Variants in FAM117B observed in about 807,000 individuals in gnomAD.
The protein encoded by FAM117B is family with sequence similarity 117 member B.
Under a neutral mutation model 52.8 loss-of-function variants are expected in FAM117B, and 22 were observed. That is an observed-to-expected ratio of 0.42 (90% CI 0.30 to 0.59). The LOEUF (loss-of-function observed/expected upper bound fraction) is 0.59. Among genes scored for constraint, FAM117B ranks in the 20% least tolerant of loss-of-function variants. The pLI, the probability that FAM117B is intolerant of heterozygous loss-of-function variation, is 0.22. For missense variants in FAM117B, 678 were observed against 802.6 expected (o/e 0.84, Z 1.88); for synonymous variants, 309 against 324.1 (o/e 0.95, Z 0.50).
intron 4 of FAM117B, among the ~76,000 whole-genome samples, chr2:202,728,049 GA>G (rs148825230): frequency 0.11 from 16,149 of 152,144 alleles, 2,862 homozygotes; most frequent in African/African-American, 0.37. Flanking sequence ...GGTGATCACA[GA>G]TTCACTATAG....
rs747502285 is a variant in FAM117B, at chr2:202,757,254, T to C, written c.1146T>C (p.Leu382=). The C allele has an allele frequency of 3.1e-6, 5 of 1,613,970 alleles. No homozygotes were observed. Among genetic ancestry groups the C allele is most frequent in the African/African-American group, 1.3e-5 (1 of 74,896 alleles). Residue 382 remains leucine, a synonymous_variant, in exon 6 of 8, where the codon CTT becomes CTC. Coordinates refer to ENST00000392238, the MANE Select transcript of FAM117B (RefSeq NM_173511.4). ...ATGGCCATCGTGCTCCACCCCCCCTTGTACAGAGAAGTAGCAGCACGCGCA... is the reference window on the plus strand; with the variant it reads ...ATGGCCATCGTGCTCCACCCCCCCTCGTACAGAGAAGTAGCAGCACGCGCA... ...IPDGHRAPPP[L]VQRSSSTRSI...
chr2:202,756,888 C>G (rs1296804679), intron 5 of FAM117B, among the ~76,000 whole-genome samples: 1 of 152,084 alleles, frequency 6.6e-6, no homozygotes, highest in African/African-American at 2.4e-5. Flanking sequence ...TAGTGTTACA[C>G]CTAGATTTCA....
intron 4 of FAM117B, among the ~76,000 whole-genome samples, chr2:202,748,868 G>A (rs1691678777): frequency 6.6e-6 from 1 of 151,878 alleles, no homozygotes; most frequent in South Asian, 2.1e-4. Context: ...AGCCACTCTC[G>A]GTAGCCATTG....
At chr2:202,692,359 G>A (rs1690646454) in intron 1 of FAM117B, among the ~76,000 whole-genome samples, 1 of 152,082 alleles carries the variant, frequency 6.6e-6, no homozygotes, top group Non-Finnish European at 1.5e-5. Context: ...AAGACATAAA[G>A]ACATGCAGTA....
chr2:202,726,465 A>C, intron 4 of FAM117B, 102 bp downstream of exon 4: 1 of 789,920 alleles, frequency 1.3e-6, no homozygotes, highest in East Asian at 2.5e-5. Flanking sequence ...GCTCAAAAAC[A>C]TATTTGAAAC....
chr2:202,658,540 G>A (rs954726756), intron 1 of FAM117B, among the ~76,000 whole-genome samples: 14 of 152,066 alleles, frequency 9.2e-5, no homozygotes, highest in African/African-American at 3.4e-4. Context: ...GACCTCAAGT[G>A]ATCCACCCGT....
chr2:202,732,052 T>TA (rs1691360818), intron 4 of FAM117B, among the ~76,000 whole-genome samples: 1 of 151,320 alleles, frequency 6.6e-6, no homozygotes, highest in African/African-American at 2.4e-5. Context: ...TTTTCTTTTT[T>TA]TTTTTTTTTT....
intron 6 of FAM117B, among the ~76,000 whole-genome samples, chr2:202,757,691 G>A (rs758843650): frequency 2.4e-4 from 37 of 152,136 alleles, no homozygotes; most frequent in Admixed American, 1.2e-3. Context: ...TTCCTTATTG[G>A]TGAGAAACAT....
chr2:202,684,331 A>G lies in FAM117B; in HGVS notation c.602-11550A>G, dbSNP rs746619910. Among the ~76,000 whole-genome samples, 107 of 152,326 alleles carry G rather than the reference A, an allele frequency of 7.0e-4. 1 individual carries two copies. In the Middle Eastern group the frequency reaches 0.01, roughly 15 times the overall value. On this transcript the variant is annotated intron_variant, in intron 1 of 7. Coordinates refer to ENST00000392238, the MANE Select transcript of FAM117B (RefSeq NM_173511.4). ...TTATTCGCAGATTTTGTATTGGCAA[A>G]TTTGCCCACTAGCTAAAAGTTATTT... is the stretch of plus-strand genomic sequence containing the variant.
chr2:202,673,433 G>GTTTTTTTTTTTTTTTTTTTTT lies in FAM117B; in HGVS notation c.602-22436_602-22416dup, dbSNP rs1158185300. 6.7e-4 allele frequency among the ~76,000 whole-genome samples: 25 copies of GTTTTTTTTTTTTTTTTTTTTT among 37,536 alleles called. 7 individuals carry two copies. Among genetic ancestry groups the GTTTTTTTTTTTTTTTTTTTTT allele is most frequent in the African/African-American group, 2.6e-3 (17 of 6,448 alleles). 24.6% of individuals were successfully genotyped at this position (37,536 alleles called of 152,430 possible). ...TAGCCTACCCTATTTTTCTTTTTCT[G>GTTTTTTTTTTTTTTTTTTTTT]TTTTTTTTTTTTTTTTTTTTTTTTT... On this transcript the variant is annotated intron_variant, in intron 1 of 7. Transcript: ENST00000392238.
intron 4 of FAM117B, among the ~76,000 whole-genome samples, chr2:202,732,046 CTTTTTTT>C (rs758181285): frequency 5.9e-5 from 8 of 135,016 alleles, no homozygotes; most frequent in East Asian, 2.1e-4. Flanking sequence ...ATTTATTTTT[CTTTTTTT>C]TTTTTTTTTG....
intron 1 of FAM117B, among the ~76,000 whole-genome samples, chr2:202,674,033 C>A (rs55728214): frequency 1.7e-4 from 26 of 152,138 alleles, no homozygotes; most frequent in East Asian, 9.7e-4. Flanking sequence ...GCACCCCCCC[C>A]ACCTCTGAAA....
intron 1 of FAM117B, among the ~76,000 whole-genome samples, chr2:202,688,345 G>C (rs1475825768): frequency 6.6e-6 from 1 of 152,186 alleles, no homozygotes; most frequent in Non-Finnish European, 1.5e-5. Context: ...CTTGGAGGCA[G>C]CCAGTGTCAT....
intron 4 of FAM117B, among the ~76,000 whole-genome samples, chr2:202,740,844 A>G (rs183464382): frequency 1.3e-3 from 191 of 152,206 alleles, no homozygotes; most frequent in Non-Finnish European, 2.3e-3. Context: ...AAAGAATCAT[A>G]TGAATATCTA....
intron 2 of FAM117B, among the ~76,000 whole-genome samples, chr2:202,715,947 T>A (rs1407163049): frequency 1.3e-5 from 2 of 151,850 alleles, no homozygotes; most frequent in Non-Finnish European, 2.9e-5. Flanking sequence ...TCAGGCGTGG[T>A]GGCGCGTGCC....
intron 4 of FAM117B, among the ~76,000 whole-genome samples, chr2:202,727,946 C>T (rs546109828): frequency 2.0e-5 from 3 of 152,152 alleles, no homozygotes; most frequent in South Asian, 2.1e-4. Flanking sequence ...TATTAATACT[C>T]GGGTCAGATT....
At chr2:202,732,266 A>C (rs1183145353) in intron 4 of FAM117B, among the ~76,000 whole-genome samples, 1 of 152,174 alleles carries the variant, frequency 6.6e-6, no homozygotes, top group Non-Finnish European at 1.5e-5. Context: ...CAAAAGATTA[A>C]ACGTGGAATT....
At chr2:202,682,490 G>A (rs866695850) in intron 1 of FAM117B, among the ~76,000 whole-genome samples, 14 of 152,234 alleles carry the variant, frequency 9.2e-5, no homozygotes, top group Admixed American at 3.9e-4. Flanking sequence ...TAACAAGTGA[G>A]TGGGAGTTGG....
chr2:202,676,442 C>G (rs952959686), intron 1 of FAM117B, among the ~76,000 whole-genome samples: 14 of 150,474 alleles, frequency 9.3e-5, no homozygotes, highest in African/African-American at 3.4e-4. Flanking sequence ...TGCAGTGGCG[C>G]TATCTCAGCT....
Sources: allele counts gnomAD v4.1 joint callset (sites outside exome capture counted in the v4.1 genomes callset), GRCh38; gene constraint gnomAD v4.1.1; transcripts MANE v1.5; gene names NCBI Gene and HGNC (gene_info 2026-07-23, HGNC 2026-07-21).